CNTN5: variants seen among roughly 807,000 people sequenced by gnomAD.
CNTN5 encodes the protein contactin 5.
In CNTN5, 77 loss-of-function variants were observed where a neutral mutation model predicts 129.1. That is an observed-to-expected ratio of 0.60 (90% CI 0.50 to 0.72). The LOEUF is 0.72. Among genes scored for constraint, CNTN5 ranks in the 30% least tolerant of loss-of-function variants. CNTN5 has a pLI of 0.00. For synonymous variants in CNTN5, 509 were observed against 465.6 expected, an observed-to-expected ratio of 1.09 and a Z score of -1.20; for missense variants, 1,478 against 1,328.8, an observed-to-expected ratio of 1.11 and a Z score of -1.75.
chr11:99,219,283 T>C (rs1039550359), intron 1 of CNTN5, among the ~76,000 whole-genome samples: 2 of 151,890 alleles, frequency 1.3e-5, no homozygotes, highest in African/African-American at 4.8e-5. Context: ...AATAGTATAC[T>C]ATATAAAGGT....
Position 100,271,220 on chromosome 11 carries a change from A to G in CNTN5, c.2293A>G (p.Met765Val). 1 of 1,610,438 alleles carries G rather than the reference A, an allele frequency of 6.2e-7. No individual in the cohort carries two copies. Among genetic ancestry groups the G allele is most frequent in the South Asian group, 1.1e-5 (1 of 90,502 alleles). Residue 765 changes from methionine to valine, a missense_variant, in exon 18 of 25, where the codon ATG becomes GTG. By Grantham distance (21) the Met-to-Val change is conservative (BLOSUM62 1). Coordinates refer to ENST00000524871, the MANE Select transcript of CNTN5 (RefSeq NM_014361.4). ...GTGDPSTPSR[M>V]IRTNEAVPKT... is the part of the protein sequence containing the mutation. ...AGGAGATCCAAGCACCCCATCTCGA[A>G]TGATCCGCACAAATGAAGCAGGTAA...
intron 18 of CNTN5, among the ~76,000 whole-genome samples, chr11:100,296,962 C>T (rs115627384): frequency 6.6e-6 from 1 of 151,530 alleles, no homozygotes; most frequent in Non-Finnish European, 1.5e-5. Flanking sequence ...AAAATGTTCC[C>T]TTTCAACTGC....
intron 13 of CNTN5, among the ~76,000 whole-genome samples, chr11:100,190,314 A>G (rs1948441181): frequency 6.6e-6 from 1 of 152,114 alleles, no homozygotes; most frequent in Admixed American, 6.6e-5. Context: ...AGGTCGATGC[A>G]CTGGTGAAAT....
chr11:99,969,798 C>T (rs1951199988), intron 8 of CNTN5, among the ~76,000 whole-genome samples: 2 of 152,106 alleles, frequency 1.3e-5, no homozygotes. Context: ...TATGTCTGTC[C>T]ACCCAGTGTG....
At chr11:99,184,753 G>C (rs533466556) in intron 1 of CNTN5, among the ~76,000 whole-genome samples, 2 of 152,008 alleles carry the variant, frequency 1.3e-5, no homozygotes, top group Non-Finnish European at 1.5e-5. Flanking sequence ...TTTTGTGTGT[G>C]TAATGATGGA....
At chr11:100,068,157 G>A (rs1022756302) in intron 10 of CNTN5, among the ~76,000 whole-genome samples, 10 of 151,998 alleles carry the variant, frequency 6.6e-5, no homozygotes, top group South Asian at 2.1e-4. Context: ...ACACTGTTTC[G>A]CCTAACATTA....
chr11:99,800,100 G>A lies in CNTN5; in HGVS notation c.56-19444G>A, dbSNP rs553337580. On this transcript the variant is annotated intron_variant, in intron 3 of 24. Coordinates refer to ENST00000524871, the MANE Select transcript of CNTN5 (RefSeq NM_014361.4). ...TCTAACTTTTTATGATAGATATTTA[G>A]TGTAATAAACTTTGTTTTTAACGCT... Among the ~76,000 whole-genome samples, 109 of 151,942 alleles carry A rather than the reference G, an allele frequency of 7.2e-4. 2 individuals carry two copies. The South Asian group carries it at 7.3e-3, about 10-fold the overall frequency.
chr11:99,424,056 G>GT (rs34190931), intron 2 of CNTN5, among the ~76,000 whole-genome samples: 2 of 152,072 alleles, frequency 1.3e-5, no homozygotes, highest in Non-Finnish European at 2.9e-5. Flanking sequence ...TAAGTACTGT[G>GT]TTTTTTCCTA....
At chr11:100,280,991 C>T (rs1331379980) in intron 18 of CNTN5, among the ~76,000 whole-genome samples, 1 of 152,042 alleles carries the variant, frequency 6.6e-6, no homozygotes, top group Non-Finnish European at 1.5e-5. Context: ...TAAATTTAAT[C>T]ACCTCCTTTT....
At chr11:99,982,345 GA>G (rs1938400609) in intron 8 of CNTN5, among the ~76,000 whole-genome samples, 1 of 152,110 alleles carries the variant, frequency 6.6e-6, no homozygotes, top group Admixed American at 6.5e-5. Context: ...AAAAATAAAT[GA>G]TAAAAATGCT....
intron 8 of CNTN5, among the ~76,000 whole-genome samples, chr11:99,999,624 A>G (rs965197882): frequency 6.6e-6 from 1 of 152,188 alleles, no homozygotes; most frequent in Non-Finnish European, 1.5e-5. Flanking sequence ...CCAGAACTAG[A>G]AATACCATTT....
intron 18 of CNTN5, among the ~76,000 whole-genome samples, chr11:100,290,908 C>T (rs1950945596): frequency 6.6e-6 from 1 of 151,536 alleles, no homozygotes. Context: ...AACAAATTTA[C>T]AAGAAAAAAA....
chr11:99,170,395 T>A (rs1565373989), intron 1 of CNTN5, among the ~76,000 whole-genome samples: 1 of 152,176 alleles, frequency 6.6e-6, no homozygotes, highest in Non-Finnish European at 1.5e-5. Context: ...GTGGGTCTAA[T>A]CTTGGCTTTG....
At chr11:99,419,235 G>T (rs1942787688) in intron 2 of CNTN5, among the ~76,000 whole-genome samples, 1 of 152,082 alleles carries the variant, frequency 6.6e-6, no homozygotes, top group Non-Finnish European at 1.5e-5. Context: ...TATTCAAACT[G>T]CAGTCAATGT....
intron 2 of CNTN5, among the ~76,000 whole-genome samples, chr11:99,343,870 G>A (rs1232095052): frequency 6.6e-6 from 1 of 152,066 alleles, no homozygotes; most frequent in South Asian, 2.1e-4. Flanking sequence ...TAATTACATA[G>A]AGTGTGCTAA....
At chr11:99,758,422 G>A (rs2049199117) in intron 3 of CNTN5, among the ~76,000 whole-genome samples, 1 of 152,012 alleles carries the variant, frequency 6.6e-6, no homozygotes, top group South Asian at 2.1e-4. Context: ...TTAGGAAAAT[G>A]AATTGAAATT....
chr11:99,082,463 G>T (rs59738195), intron 1 of CNTN5, among the ~76,000 whole-genome samples: 1 of 152,154 alleles, frequency 6.6e-6, no homozygotes, highest in Admixed American at 6.5e-5. Context: ...AATTACAGGC[G>T]TGAGCCACCA....
chr11:100,077,844 T>C (rs1241948989), intron 13 of CNTN5, among the ~76,000 whole-genome samples: 1 of 151,670 alleles, frequency 6.6e-6, no homozygotes, highest in Non-Finnish European at 1.5e-5. Flanking sequence ...CTCAAAAATA[T>C]AATAAAATAA....
chr11:99,115,025 G>T (rs901361089), intron 1 of CNTN5, among the ~76,000 whole-genome samples: 10 of 152,252 alleles, frequency 6.6e-5, no homozygotes, highest in Admixed American at 4.6e-4. Context: ...TCCATGTGAG[G>T]TTACACTGGA....
Sources: gnomAD v4.1 joint callset for allele counts (sites outside exome capture counted in the v4.1 genomes callset) on GRCh38, gnomAD v4.1.1 for gene constraint, MANE v1.5 for transcripts, NCBI Gene and HGNC (gene_info 2026-07-23, HGNC 2026-07-21) for gene names.